AMOT: variants seen among roughly 807,000 people sequenced by gnomAD.
The protein encoded by AMOT is angiomotin.
AMOT carries 11 observed loss-of-function variants against 67.0 expected under a neutral mutation model. That is an observed-to-expected ratio of 0.16 (90% CI 0.10 to 0.27). The LOEUF is 0.27. Ranked by LOEUF, AMOT falls within the 10% of genes least tolerant of loss-of-function variation. AMOT has a pLI of 1.00. For synonymous variants in AMOT, 326 were observed against 321.4 expected, an observed-to-expected ratio of 1.01 and a Z score of -0.15; for missense variants, 753 against 852.0, an observed-to-expected ratio of 0.88 and a Z score of 1.45.
chrX:112,778,848 A>G, intron 13 of AMOT, 149 bp downstream of exon 13: 2 of 719,241 alleles, frequency 2.8e-6, no homozygotes, highest in Non-Finnish European at 4.2e-6. Context: ...GGTGGATGAG[A>G]AGTCATTTAC....
chrX:112,840,827 G>A lies in AMOT; in HGVS notation c.-664C>T, dbSNP rs1331920218. On this transcript the variant is annotated 5_prime_UTR_variant, in exon 1 of 14. Coordinates refer to ENST00000371959, the MANE Select transcript of AMOT (RefSeq NM_001113490.2). ...AAGGCAGCTCCTGGGCAAAGGATGGGAGGTAGGGGAGGGGGACGAACGGGT... is the reference window on the plus strand; with the variant it reads ...AAGGCAGCTCCTGGGCAAAGGATGGAAGGTAGGGGAGGGGGACGAACGGGT... 2.7e-5 allele frequency: 3 copies of A among 113,093 alleles called. No homozygotes were observed. Among genetic ancestry groups the A allele is most frequent in the Non-Finnish European group, 5.6e-5 (3 of 53,450 alleles). The allele number at this position is 113,093 out of a possible 1,213,427, so 9.3% of individuals were successfully genotyped here. A position where few individuals can be genotyped will look rare whatever the true frequency, so the allele number is the denominator to read the frequency against.
chrX:112,783,514 C>T (rs1427675928), intron 10 of AMOT, among the ~76,000 whole-genome samples: 1 of 110,755 alleles, frequency 9.0e-6, no homozygotes. Flanking sequence ...GCCTTTGAGT[C>T]AGTCCCACTC....
intron 10 of AMOT, among the ~76,000 whole-genome samples, chrX:112,785,522 A>G (rs1326647936): frequency 1.8e-5 from 2 of 112,332 alleles, no homozygotes; most frequent in African/African-American, 6.5e-5. Flanking sequence ...GAAACTTACA[A>G]GGGAAGAGAA....
intron 8 of AMOT, among the ~76,000 whole-genome samples, chrX:112,796,154 G>A (rs371968768): frequency 1.7e-4 from 19 of 111,629 alleles, no homozygotes; most frequent in African/African-American, 6.2e-4. Context: ...ATATCCAAGA[G>A]GGCTCAGCCA....
Position 112,824,542 on chromosome X carries a change from A to C in AMOT, c.-63+530T>G, listed in dbSNP as rs184426801. Among the ~76,000 whole-genome samples, 394 of 111,370 alleles carry C rather than the reference A, an allele frequency of 3.5e-3. 3 individuals are homozygous for C. Among genetic ancestry groups the C allele is most frequent in the Non-Finnish European group, 5.5e-3 (291 of 53,089 alleles). On this transcript the variant is annotated intron_variant, in intron 3 of 13. Coordinates refer to ENST00000371959, the MANE Select transcript of AMOT (RefSeq NM_001113490.2). Reference sequence around the variant, plus strand: ...CAGAATGTACATATAGTATATGAAGAAAGTTCATCTTCTCTCTTTCTTCAC... The same window carrying C: ...CAGAATGTACATATAGTATATGAAGCAAGTTCATCTTCTCTCTTTCTTCAC...
At chrX:112,838,612 T>G (rs1935194958) in intron 1 of AMOT, among the ~76,000 whole-genome samples, 1 of 112,463 alleles carries the variant, frequency 8.9e-6, no homozygotes, top group African/African-American at 3.2e-5. Context: ...AAATCAAACT[T>G]CATAAACCAG....
At chrX:112,834,690 A>G (rs2147835903) in intron 1 of AMOT, among the ~76,000 whole-genome samples, 1 of 113,094 alleles carries the variant, frequency 8.8e-6, no homozygotes, top group Non-Finnish European at 1.9e-5. Flanking sequence ...ACTGGCTATC[A>G]TCAGTATGTG....
At chrX:112,785,883 C>T (rs1032106897) in intron 10 of AMOT, among the ~76,000 whole-genome samples, 6 of 111,984 alleles carry the variant, frequency 5.4e-5, no homozygotes, top group Non-Finnish European at 1.1e-4. Context: ...TTTGTTCTTT[C>T]GAACTCAAAT....
chrX:112,833,944 G>C (rs1318741973), intron 1 of AMOT, among the ~76,000 whole-genome samples: 2 of 112,213 alleles, frequency 1.8e-5, no homozygotes, highest in Admixed American at 1.9e-4. Context: ...AAATGAGTAA[G>C]GGATGTACTA....
intron 8 of AMOT, among the ~76,000 whole-genome samples, chrX:112,803,192 C>G (rs889195626): frequency 1.8e-5 from 2 of 110,862 alleles, no homozygotes; most frequent in Non-Finnish European, 3.8e-5. Flanking sequence ...GGGAGGTGAA[C>G]CAAAGGATGA....
chrX:112,784,923 C>G (rs1933318380), intron 10 of AMOT, among the ~76,000 whole-genome samples: 1 of 111,786 alleles, frequency 8.9e-6, no homozygotes, highest in Non-Finnish European at 1.9e-5. Flanking sequence ...ACTCAGAGCC[C>G]TGCCAGCTAA....
chrX:112,835,951 T>A (rs756573609), intron 1 of AMOT, among the ~76,000 whole-genome samples: 1 of 112,076 alleles, frequency 8.9e-6, no homozygotes, highest in Admixed American at 9.4e-5. Flanking sequence ...TAAAGAACTA[T>A]GAAATTTGAC....
chrX:112,787,757 T>C (rs1030799601), intron 10 of AMOT, among the ~76,000 whole-genome samples: 3 of 111,935 alleles, frequency 2.7e-5, no homozygotes, highest in Admixed American at 9.5e-5. Flanking sequence ...CCAAATGAGC[T>C]ATTAGGTTTG....
At chrX:112,834,748 G>A (rs760688765) in intron 1 of AMOT, among the ~76,000 whole-genome samples, 3 of 112,613 alleles carry the variant, frequency 2.7e-5, no homozygotes, top group Admixed American at 1.9e-4. Context: ...ACGTGCATGC[G>A]CACACACACA....
rs530079422 is a variant in AMOT, at chrX:112,813,023, A to G, written c.1393-1630T>C. Among the ~76,000 whole-genome samples, 42 of 112,963 alleles carry G rather than the reference A, an allele frequency of 3.7e-4. No individual in the cohort carries two copies. In the South Asian group the frequency reaches 0.015, roughly 39 times the overall value. ...CTGCGCCTGATGAAGCTTTTGCATG[A>G]AACTCAAGCGCTGGGGAGAGAAAAT... On this transcript the variant is annotated intron_variant, in intron 5 of 13. Transcript: ENST00000371959.
rs757518646 is a variant in AMOT, at chrX:112,780,932, G to A, written c.2427C>T (p.Pro809=). 5 of 1,211,835 alleles carry A rather than the reference G, an allele frequency of 4.1e-6. No homozygotes were observed. Among genetic ancestry groups the A allele is most frequent in the Non-Finnish European group, 5.6e-6 (5 of 895,502 alleles). ...TGTCGTCTCGCTTTTCTTCCATGAT[G>A]GGGGAGCCAGTCAGGGTGGATGAGT... ...LSHSSTLTGS[P]IMEEKRDDKS... The change falls in exon 12 of 14, where the codon CCC becomes CCT. Residue 809 remains proline (P), a synonymous_variant. Coordinates refer to ENST00000371959, the MANE Select transcript of AMOT (RefSeq NM_001113490.2).
Position 112,791,996 on chromosome X carries a change from T to C in AMOT, c.1777-15A>G. The C allele has an allele frequency of 8.3e-7, 1 of 1,209,713 alleles. No individual in the cohort carries two copies. On this transcript the variant is annotated splice_polypyrimidine_tract_variant and intron_variant, in intron 8 of 13. Coordinates refer to ENST00000371959, the MANE Select transcript of AMOT (RefSeq NM_001113490.2). ...TTCTTTTTCAGCTGGAAATCCATGT[T>C]GGGTAATTTGCAAGGTGAAAGGAAA...
At chrX:112,819,735 A>T (rs1422561243) in intron 4 of AMOT, among the ~76,000 whole-genome samples, 1 of 112,415 alleles carries the variant, frequency 8.9e-6, no homozygotes. Context: ...AAGATGAAGT[A>T]ATAAAAGGAT....
At chrX:112,811,516 A>C (rs2147809791) in intron 5 of AMOT, 123 bp from the exon 6 acceptor site, 2 of 701,771 alleles carry the variant, frequency 2.8e-6, no homozygotes, top group South Asian at 3.3e-5. Flanking sequence ...CCAGGAGGCA[A>C]GCATAACACA....
Sources: gnomAD v4.1 joint callset for allele counts (sites outside exome capture counted in the v4.1 genomes callset) on GRCh38, gnomAD v4.1.1 for gene constraint, MANE v1.5 for transcripts, NCBI Gene and HGNC (gene_info 2026-07-23, HGNC 2026-07-21) for gene names.